The following GRM1 variants were observed in gnomAD, a reference collection of about 807,000 sequenced individuals.
GRM1 encodes metabotropic glutamate receptor 1.
In GRM1, 33 loss-of-function variants were observed where a neutral mutation model predicts 90.9. That is an observed-to-expected ratio of 0.36 (90% CI 0.28 to 0.49). The LOEUF (loss-of-function observed/expected upper bound fraction) is 0.49, where lower values mean the gene tolerates loss of function less well. Among genes scored for constraint, GRM1 ranks in the 20% least tolerant of loss-of-function variants. GRM1 has a pLI of 0.99. For missense variants in GRM1, 1,190 were observed against 1,534.3 expected (o/e 0.78, Z 3.75); for synonymous variants, 700 against 613.2 (o/e 1.14, Z -2.09).
At chr6:146,198,442 C>T (rs780011478) in intron 2 of GRM1, among the ~76,000 whole-genome samples, 2 of 152,036 alleles carry the variant, frequency 1.3e-5, no homozygotes, top group Non-Finnish European at 2.9e-5. Flanking sequence ...TAAATTTCGG[C>T]TAGAGGTGGG....
chr6:146,375,505 A>T (rs1313750373), intron 5 of GRM1, among the ~76,000 whole-genome samples: 1 of 151,980 alleles, frequency 6.6e-6, no homozygotes, highest in Non-Finnish European at 1.5e-5. Flanking sequence ...TGAAATCTCC[A>T]GTCATTATTG....
chr6:146,251,734 A>G (rs1781286099), intron 2 of GRM1, among the ~76,000 whole-genome samples: 1 of 152,180 alleles, frequency 6.6e-6, no homozygotes, highest in Non-Finnish European at 1.5e-5. Flanking sequence ...TCCCTTATTT[A>G]CTTCTGTCCC....
At chr6:146,120,069 A>G (rs550594031) in intron 1 of GRM1, among the ~76,000 whole-genome samples, 3 of 152,342 alleles carry the variant, frequency 2.0e-5, no homozygotes, top group Non-Finnish European at 2.9e-5. Flanking sequence ...ATTCCTATCC[A>G]TGAGCATGGA....
chr6:146,082,249 G>A (rs1436246160), intron 1 of GRM1, among the ~76,000 whole-genome samples: 1 of 152,030 alleles, frequency 6.6e-6, no homozygotes, highest in Middle Eastern at 3.2e-3. Flanking sequence ...TCCGCCTCCC[G>A]GGTTCAAGCA....
intron 3 of GRM1, among the ~76,000 whole-genome samples, chr6:146,341,855 G>A (rs1784994152): frequency 6.6e-6 from 1 of 152,136 alleles, no homozygotes. Flanking sequence ...ATTCCTTGTG[G>A]CACCTTAGAG....
At chr6:146,218,211 G>A (rs1266783059) in intron 2 of GRM1, among the ~76,000 whole-genome samples, 1 of 152,128 alleles carries the variant, frequency 6.6e-6, no homozygotes, top group Non-Finnish European at 1.5e-5. Context: ...GAAAAACTTA[G>A]CATGATTTTC....
At chr6:146,352,194 G>T in intron 3 of GRM1, 56 bp from the exon 4 acceptor site, 1 of 1,582,446 alleles carries the variant, frequency 6.3e-7, no homozygotes, top group South Asian at 1.1e-5. Flanking sequence ...AATTAAACCT[G>T]GGAGCCTAGT....
intron 2 of GRM1, among the ~76,000 whole-genome samples, chr6:146,288,483 T>G (rs1782846396): frequency 6.6e-6 from 1 of 152,148 alleles, no homozygotes; most frequent in Non-Finnish European, 1.5e-5. Context: ...CATAGAACAA[T>G]GGCTTTTGAT....
At chr6:146,279,080 A>G (rs555426366) in intron 2 of GRM1, among the ~76,000 whole-genome samples, 39 of 152,192 alleles carry the variant, frequency 2.6e-4, no homozygotes, top group African/African-American at 8.9e-4. Context: ...TCCTGAGTCC[A>G]TTTTTCTATT....
chr6:146,061,278 G>A (rs938622647), intron 1 of GRM1, among the ~76,000 whole-genome samples: 2 of 152,092 alleles, frequency 1.3e-5, no homozygotes, highest in African/African-American at 4.8e-5. Context: ...AAATGTGACA[G>A]AGACACAAAG....
intron 2 of GRM1, among the ~76,000 whole-genome samples, chr6:146,300,463 T>C (rs1039855307): frequency 1.3e-5 from 2 of 152,192 alleles, no homozygotes; most frequent in African/African-American, 4.8e-5. Context: ...AATGTGAAAT[T>C]TTATAGGTTG....
chr6:146,249,408 C>T (rs1024515629), intron 2 of GRM1, among the ~76,000 whole-genome samples: 7 of 152,082 alleles, frequency 4.6e-5, no homozygotes, highest in South Asian at 2.1e-4. Flanking sequence ...CCCGCATCCC[C>T]GCGGTTCCAG....
At chr6:146,410,070 T>C (rs1046046891) in intron 7 of GRM1, among the ~76,000 whole-genome samples, 5 of 152,194 alleles carry the variant, frequency 3.3e-5, no homozygotes, top group Non-Finnish European at 2.9e-5. Context: ...CTCATATTAT[T>C]TGGCTTAGAT....
chr6:146,159,332 G>T lies in GRM1; in HGVS notation c.701-16G>T. The stretch of plus-strand genomic sequence containing the variant: ...GCCACAGTTGTCTTGAACATCTGCT[G>T]ATTGTTTCTGGACAGGGAATTATGG... On this transcript the variant is annotated splice_polypyrimidine_tract_variant and intron_variant, in intron 1 of 7. Transcript: ENST00000282753. 6.2e-7 allele frequency: 1 copy of T among 1,614,014 alleles called. No individual in the cohort carries two copies. The highest frequency in any genetic ancestry group is 8.5e-7 in the Non-Finnish European group (1 of 1,179,866).
At chr6:146,419,265 A>C (rs1562687218) in intron 7 of GRM1, among the ~76,000 whole-genome samples, 3 of 152,196 alleles carry the variant, frequency 2.0e-5, no homozygotes, top group Admixed American at 1.3e-4. Context: ...AGAAATAAAG[A>C]ATTCTGATGA....
intron 1 of GRM1, among the ~76,000 whole-genome samples, chr6:146,132,081 G>A (rs996631118): frequency 6.6e-6 from 1 of 152,108 alleles, no homozygotes; most frequent in Admixed American, 6.5e-5. Flanking sequence ...CTCACAGAGC[G>A]GAAAGAAGTA....
intron 1 of GRM1, among the ~76,000 whole-genome samples, chr6:146,100,069 G>A (rs1777000336): frequency 6.6e-6 from 1 of 152,110 alleles, no homozygotes; most frequent in South Asian, 2.1e-4. Context: ...TCTTAAGAGT[G>A]TTTAGTGCTA....
intron 1 of GRM1, among the ~76,000 whole-genome samples, chr6:146,062,876 T>A (rs1210869190): frequency 1.3e-5 from 2 of 152,214 alleles, no homozygotes; most frequent in Non-Finnish European, 2.9e-5. Flanking sequence ...TAAATTTATT[T>A]TATATTTCTT....
At chr6:146,071,844 C>A (rs1203510322) in intron 1 of GRM1, among the ~76,000 whole-genome samples, 1 of 152,074 alleles carries the variant, frequency 6.6e-6, no homozygotes, top group African/African-American at 2.4e-5. Context: ...GTGTGTTTAC[C>A]AGTCATTCAA....
Sources: gnomAD v4.1 joint callset for allele counts (sites outside exome capture counted in the v4.1 genomes callset) on GRCh38, gnomAD v4.1.1 for gene constraint, MANE v1.5 for transcripts, NCBI Gene and HGNC (gene_info 2026-07-23, HGNC 2026-07-21) for gene names.